Variants in CACNA2D3 observed in about 807,000 individuals in gnomAD.
The protein encoded by CACNA2D3 is voltage-dependent calcium channel subunit alpha-2/delta-3.
Under a neutral mutation model 160.6 loss-of-function variants are expected in CACNA2D3, and 60 were observed. The observed-to-expected ratio is 0.37, with a 90% CI of 0.30 to 0.46. The LOEUF (loss-of-function observed/expected upper bound fraction) is 0.46, where lower values mean the gene tolerates loss of function less well. Ranked by LOEUF, CACNA2D3 falls within the 20% of genes least tolerant of loss-of-function variation. The pLI is 1.00. For missense variants in CACNA2D3, 1,205 were observed against 1,365.0 expected (o/e 0.88, Z 1.85); for synonymous variants, 558 against 492.9 (o/e 1.13, Z -1.75).
intron 2 of CACNA2D3, among the ~76,000 whole-genome samples, chr3:54,304,626 A>G (rs1358630870): frequency 6.6e-6 from 1 of 152,196 alleles, no homozygotes; most frequent in Non-Finnish European, 1.5e-5. Context: ...TGTTTTCCTT[A>G]CAGTGAGTAC....
intron 2 of CACNA2D3, among the ~76,000 whole-genome samples, chr3:54,312,512 C>T (rs895418379): frequency 3.3e-5 from 5 of 152,134 alleles, no homozygotes; most frequent in African/African-American, 1.2e-4. Context: ...AGGCGACTCA[C>T]TTTTAGATAC....
intron 11 of CACNA2D3, among the ~76,000 whole-genome samples, chr3:54,709,899 T>A (rs1700924276): frequency 6.6e-6 from 1 of 152,194 alleles, no homozygotes; most frequent in Non-Finnish European, 1.5e-5. Context: ...CACTCTAGCC[T>A]GCATGAAAGA....
chr3:54,799,766 C>G lies in CACNA2D3; in HGVS notation c.1381-17087C>G, dbSNP rs1258928636. Among the ~76,000 whole-genome samples the G allele has an allele frequency of 5.9e-5, 9 of 152,162 alleles. No homozygotes were observed. The East Asian group carries it at 1.7e-3, about 29-fold the overall frequency. ...TATTGACTCTCTGGGTTCTCCATGT[C>G]TATAACCTGCCAAACAGGCTGTCTG... On this transcript the variant is annotated intron_variant, in intron 13 of 37. Coordinates refer to ENST00000474759, the MANE Select transcript of CACNA2D3 (RefSeq NM_018398.3).
At chr3:54,800,551 T>C (rs149410221) in intron 13 of CACNA2D3, among the ~76,000 whole-genome samples, 2 of 152,302 alleles carry the variant, frequency 1.3e-5, no homozygotes, top group East Asian at 1.9e-4. Context: ...TGTGAGAATT[T>C]TCAGGACATT....
At chr3:54,449,436 T>G (rs1431535332) in intron 4 of CACNA2D3, among the ~76,000 whole-genome samples, 1 of 152,234 alleles carries the variant, frequency 6.6e-6, no homozygotes, top group Non-Finnish European at 1.5e-5. Flanking sequence ...TAAGTTTTGT[T>G]TCAAGTGTGG....
chr3:54,148,195 C>A (rs1700072701), intron 2 of CACNA2D3, among the ~76,000 whole-genome samples: 1 of 152,236 alleles, frequency 6.6e-6, no homozygotes, highest in Admixed American at 6.5e-5. Flanking sequence ...TTCATTCTTG[C>A]TACCCTTCCA....
intron 4 of CACNA2D3, among the ~76,000 whole-genome samples, chr3:54,483,023 C>T (rs749097850): frequency 1.3e-5 from 2 of 152,128 alleles, no homozygotes; most frequent in African/African-American, 4.8e-5. Context: ...CTTAACATGT[C>T]GCAGGGGCCT....
At chr3:54,663,649 G>A (rs943053598) in intron 11 of CACNA2D3, among the ~76,000 whole-genome samples, 2 of 152,250 alleles carry the variant, frequency 1.3e-5, no homozygotes, top group African/African-American at 4.8e-5. Flanking sequence ...TGATAAATCA[G>A]TGGATGATTT....
chr3:54,962,922 C>T (rs1016196352), intron 27 of CACNA2D3, among the ~76,000 whole-genome samples: 6 of 151,918 alleles, frequency 3.9e-5, no homozygotes, highest in Non-Finnish European at 1.5e-5. Flanking sequence ...TAAATGAATA[C>T]GATATGAGAA....
chr3:54,384,233 A>G (rs1406785522), intron 3 of CACNA2D3, among the ~76,000 whole-genome samples: 1 of 152,130 alleles, frequency 6.6e-6, no homozygotes, highest in Non-Finnish European at 1.5e-5. Flanking sequence ...CTCAGTGCGT[A>G]GACACCATCA....
chr3:54,670,311 T>C (rs1700136921), intron 11 of CACNA2D3, among the ~76,000 whole-genome samples: 1 of 152,240 alleles, frequency 6.6e-6, no homozygotes, highest in African/African-American at 2.4e-5. Flanking sequence ...AGACGTGTGC[T>C]GGCAAGGCGT....
chr3:54,776,484 T>C (rs1269415915), intron 13 of CACNA2D3, among the ~76,000 whole-genome samples: 1 of 152,008 alleles, frequency 6.6e-6, no homozygotes, highest in African/African-American at 2.4e-5. Context: ...CACTGCACTC[T>C]AGCCTGGGCA....
At chr3:54,354,301 G>A (rs554818938) in intron 3 of CACNA2D3, among the ~76,000 whole-genome samples, 1 of 152,184 alleles carries the variant, frequency 6.6e-6, no homozygotes, top group Admixed American at 6.5e-5. Context: ...TTTAAGGACA[G>A]CCCAGGGCCT....
chr3:54,833,290 C>T (rs1703917723), intron 14 of CACNA2D3, among the ~76,000 whole-genome samples: 1 of 152,166 alleles, frequency 6.6e-6, no homozygotes, highest in Admixed American at 6.5e-5. Flanking sequence ...AAAGCCTGGG[C>T]AAGTGTAATT....
At chr3:54,658,459 A>T (rs113821226) in intron 11 of CACNA2D3, among the ~76,000 whole-genome samples, 1 of 152,088 alleles carries the variant, frequency 6.6e-6, no homozygotes, top group Non-Finnish European at 1.5e-5. Flanking sequence ...TTACCTGTTG[A>T]CCATTTGTAT....
At chr3:54,617,567 A>G (rs1698880691) in intron 9 of CACNA2D3, among the ~76,000 whole-genome samples, 1 of 152,228 alleles carries the variant, frequency 6.6e-6, no homozygotes, top group African/African-American at 2.4e-5. Context: ...CTCTTGGGTA[A>G]AGTTGCCAGA....
rs952354657 is a variant in CACNA2D3, at chr3:54,807,068, G to T, written c.1381-9785G>T. Among the ~76,000 whole-genome samples the T allele has an allele frequency of 8.1e-4, 123 of 152,304 alleles. 1 individual carries two copies. The highest frequency in any genetic ancestry group is 3.4e-3 in the Middle Eastern group (1 of 294). On this transcript the variant is annotated intron_variant, in intron 13 of 37. Coordinates refer to ENST00000474759, the MANE Select transcript of CACNA2D3 (RefSeq NM_018398.3). ...AAAAATTAATTCAAGATAGATTAAA[G>T]ACTTAAACATTAGACCTAAAACCAT...
intron 2 of CACNA2D3, among the ~76,000 whole-genome samples, chr3:54,309,060 T>G (rs1703672419): frequency 6.6e-6 from 1 of 152,238 alleles, no homozygotes; most frequent in Non-Finnish European, 1.5e-5. Flanking sequence ...GTAATTATTG[T>G]TTTGGCTGTG....
rs1028173993 is a variant in CACNA2D3, at chr3:54,250,049, G to A, written c.205-70393G>A. 7.2e-5 allele frequency among the ~76,000 whole-genome samples: 11 copies of A among 152,180 alleles called. 1 individual carries two copies. Among genetic ancestry groups the A allele is most frequent in the Admixed American group, 6.5e-4 (10 of 15,278 alleles). On this transcript the variant is annotated intron_variant, in intron 2 of 37. Transcript: ENST00000474759. Reference sequence around the variant, plus strand: ...AATCATTATGTGCTTTTCGTGTGAAGTCTGATAGACTTGATGGAAAGTAGC... The same window carrying A: ...AATCATTATGTGCTTTTCGTGTGAAATCTGATAGACTTGATGGAAAGTAGC...
Sources: allele counts gnomAD v4.1 joint callset (sites outside exome capture counted in the v4.1 genomes callset), GRCh38; gene constraint gnomAD v4.1.1; transcripts MANE v1.5; gene names NCBI Gene and HGNC (gene_info 2026-07-23, HGNC 2026-07-21).